Variants in PREX1 observed in about 807,000 individuals in gnomAD.
PREX1 encodes the protein phosphatidylinositol 3,4,5-trisphosphate-dependent Rac exchanger 1 protein.
In PREX1, 41 loss-of-function variants were observed where a neutral mutation model predicts 198.3. The ratio of observed to expected loss-of-function variants is 0.21; its 90% confidence interval spans 0.16 to 0.27. PREX1 has a LOEUF of 0.27. Among genes scored for constraint, PREX1 ranks in the 10% least tolerant of loss-of-function variants. The probability of loss-of-function intolerance (pLI) is 1.00; values close to 1 mark genes in which losing one functional copy is unlikely to be tolerated. For synonymous variants in PREX1, 843 were observed against 887.2 expected, an observed-to-expected ratio of 0.95 and a Z score of 0.89; for missense variants, 1,620 against 2,200.7, an observed-to-expected ratio of 0.74 and a Z score of 5.28.
At chr20:48,679,308 C>A (rs1395984041) in intron 13 of PREX1, 52 bp downstream of exon 13, 1 of 1,544,282 alleles carries the variant, frequency 6.5e-7, no homozygotes, top group African/African-American at 1.4e-5. Context: ...CCCAAGGCCA[C>A]ACAGCTGAGA....
chr20:48,638,647 G>C (rs918742813), intron 30 of PREX1, among the ~76,000 whole-genome samples: 28 of 152,034 alleles, frequency 1.8e-4, no homozygotes, highest in African/African-American at 6.3e-4. Flanking sequence ...AGGCACCACG[G>C]CAGGACTCAC....
chr20:48,734,970 C>G (rs1268016391), intron 3 of PREX1, among the ~76,000 whole-genome samples: 1 of 152,190 alleles, frequency 6.6e-6, no homozygotes, highest in Admixed American at 6.5e-5. Flanking sequence ...GGCAGGTTAC[C>G]TGACTTCCCT....
intron 1 of PREX1, among the ~76,000 whole-genome samples, chr20:48,784,501 T>G (rs1404669559): frequency 6.6e-6 from 1 of 152,182 alleles, no homozygotes; most frequent in African/African-American, 2.4e-5. Context: ...ATTCTCAATA[T>G]TGCTATGTTA....
chr20:48,843,764 G>A, the PREX1 span, among the ~76,000 whole-genome samples: 3 of 152,068 alleles, frequency 2.0e-5, no homozygotes, highest in Non-Finnish European at 4.4e-5. Flanking sequence ...AGCAAGAGTG[G>A]GGATGCAGAT....
At chr20:48,834,920 G>C in the PREX1 span, among the ~76,000 whole-genome samples, 2 of 151,834 alleles carry the variant, frequency 1.3e-5, no homozygotes, top group Non-Finnish European at 2.9e-5. Flanking sequence ...CCACGCCCAG[G>C]TAATTTTTGT....
At chr20:48,879,516 A>T in the PREX1 span, among the ~76,000 whole-genome samples, 1 of 152,190 alleles carries the variant, frequency 6.6e-6, no homozygotes, top group Admixed American at 6.5e-5. Context: ...ACTATCTAGC[A>T]CCTAAAAGGT....
intron 9 of PREX1, among the ~76,000 whole-genome samples, chr20:48,690,307 T>C (rs2089811527): frequency 6.6e-6 from 1 of 152,176 alleles, no homozygotes; most frequent in Admixed American, 6.5e-5. Flanking sequence ...CAAGACCTCC[T>C]GTAGCATTGC....
chr20:48,688,579 A>G, intron 10 of PREX1, 78 bp downstream of exon 10: 3 of 1,581,822 alleles, frequency 1.9e-6, no homozygotes, highest in South Asian at 2.3e-5. Flanking sequence ...GCCAGGCTGC[A>G]TGGGTGGATG....
intron 1 of PREX1, among the ~76,000 whole-genome samples, chr20:48,780,257 G>A (rs925954533): frequency 5.9e-5 from 9 of 152,094 alleles, no homozygotes; most frequent in Non-Finnish European, 1.2e-4. Context: ...GTTGATTTCA[G>A]GGCTGAGGCA....
At chr20:48,714,694 T>C (rs887153445) in intron 5 of PREX1, among the ~76,000 whole-genome samples, 3 of 152,234 alleles carry the variant, frequency 2.0e-5, no homozygotes, top group African/African-American at 4.8e-5. Context: ...AGGAAAGCAG[T>C]TGGGCAATTC....
chr20:48,827,684 G>A lies in PREX1; in HGVS notation c.177C>T (p.Gly59=), dbSNP rs1381960070. 8 of 1,377,982 alleles carry A rather than the reference G, an allele frequency of 5.8e-6. No homozygotes were observed. The Admixed American group carries it at 1.8e-4, about 30-fold the overall frequency. The allele number at this position is 1,377,982 out of a possible 1,614,324, so 85.4% of individuals were successfully genotyped here. ...LRLCVLNEIL[G]TERDYVGTLR... Reference sequence around the variant, plus strand: ...AGGTGCCCACGTAGTCCCTCTCGGTGCCCAAGATCTCGTTGAGGACGCAGA... The same window carrying A: ...AGGTGCCCACGTAGTCCCTCTCGGTACCCAAGATCTCGTTGAGGACGCAGA... The change falls in exon 1 of 40, where the codon GGC becomes GGT. Residue 59 remains glycine, a synonymous_variant. Transcript: ENST00000371941. This position sits in a 1 kb window ranked among gnomAD's most constrained non-coding sequence, Gnocchi z 4.1.
At chr20:48,654,941 C>T (rs1248704432) in intron 19 of PREX1, among the ~76,000 whole-genome samples, 1 of 152,218 alleles carries the variant, frequency 6.6e-6, no homozygotes, top group Non-Finnish European at 1.5e-5. Context: ...GCATTGGTGG[C>T]TTCTCTTAGA....
rs943188055 is a variant in PREX1 at position 48,726,303 on chromosome 20, G to A, written c.608C>T (p.Pro203Leu). The change falls in exon 5 of 40, where the codon CCG becomes CTG. Residue 203 changes from proline (P) to leucine (L), a missense_variant. Pro to Leu is a moderately conservative substitution (Grantham distance 98). Coordinates refer to ENST00000371941, the MANE Select transcript of PREX1 (RefSeq NM_020820.4). ...GGAAAGTCTCACCTTAAGGAGGAGC[G>A]GGTACTTGCAGATCCTCTGGATCGG... ...LSPIQRICKY[P>L]LLLKELAKRT... The A allele has an allele frequency of 2.5e-6, 4 of 1,613,294 alleles. No homozygotes were observed. The highest frequency in any genetic ancestry group is 2.5e-6 in the Non-Finnish European group (3 of 1,179,638).
the PREX1 span, among the ~76,000 whole-genome samples, chr20:48,849,104 A>T: frequency 1.3e-5 from 2 of 152,146 alleles, no homozygotes; most frequent in Admixed American, 6.5e-5. Flanking sequence ...TCAAAAAAAA[A>T]AAAAGGAATG....
chr20:48,692,789 C>T lies in PREX1; in HGVS notation c.919G>A (p.Val307Ile), dbSNP rs1375905342. 1 of 1,613,098 alleles carries T rather than the reference C, an allele frequency of 6.2e-7. No homozygotes were observed. ...TTGGTGGACTTCTTGCTCCCGGTGA[C>T]CCTGATAGACAGTGAGAAGTCAGTG... is the stretch of plus-strand genomic sequence containing the variant. ...LLVYCKRKSR[V>I]TGSKKSTKRT... Residue 307 changes from valine to isoleucine, a missense_variant and splice_region_variant, in exon 8 of 40, where the codon GTC becomes ATC. Coordinates refer to ENST00000371941, the MANE Select transcript of PREX1 (RefSeq NM_020820.4).
intron 1 of PREX1, among the ~76,000 whole-genome samples, chr20:48,813,455 A>G (rs2090445372): frequency 6.6e-6 from 1 of 152,186 alleles, no homozygotes; most frequent in South Asian, 2.1e-4. Flanking sequence ...CTTGGGGAGA[A>G]ATAGTGAAAT....
the PREX1 span, chr20:48,849,342 A>C: frequency 6.6e-6 from 1 of 152,128 alleles, no homozygotes; most frequent in Non-Finnish European, 1.5e-5. Flanking sequence ...ACAGAACAAT[A>C]CTATGTGTCT....
the PREX1 span, among the ~76,000 whole-genome samples, chr20:48,841,286 G>GT: frequency 1.3e-5 from 2 of 152,194 alleles, no homozygotes; most frequent in African/African-American, 4.8e-5. Context: ...GAGCCAGAAA[G>GT]TAAGTATTTT....
At chr20:48,695,531 A>G (rs2089840970) in intron 7 of PREX1, among the ~76,000 whole-genome samples, 1 of 152,252 alleles carries the variant, frequency 6.6e-6, no homozygotes, top group Admixed American at 6.5e-5. Context: ...TGATTTTCCC[A>G]TGCCCAACAG....
Sources: allele counts gnomAD v4.1 joint callset (sites outside exome capture counted in the v4.1 genomes callset), GRCh38; gene constraint gnomAD v4.1.1; non-coding constraint Gnocchi (gnomAD v3.1); transcripts MANE v1.5; gene names NCBI Gene and HGNC (gene_info 2026-07-23, HGNC 2026-07-21).